The following KCNMA1 variants were observed in gnomAD, a reference collection of about 807,000 sequenced individuals.
The protein encoded by KCNMA1 is Calcium-activated potassium channel subunit alpha-1.
KCNMA1 carries 29 observed loss-of-function variants against 140.0 expected under a neutral mutation model. That is an observed-to-expected ratio of 0.21 (90% CI 0.15 to 0.28). The LOEUF (loss-of-function observed/expected upper bound fraction) is 0.28, where lower values mean the gene tolerates loss of function less well. Among genes scored for constraint, KCNMA1 ranks in the 10% least tolerant of loss-of-function variants. The probability of loss-of-function intolerance (pLI) is 1.00; values close to 1 mark genes in which losing one functional copy is unlikely to be tolerated. For synonymous variants in KCNMA1, 612 were observed against 611.9 expected, an observed-to-expected ratio of 1.00 and a Z score of 0.00; for missense variants, 880 against 1,602.2, an observed-to-expected ratio of 0.55 and a Z score of 7.70.
chr10:77,098,702 T>C (rs2097007916), intron 9 of KCNMA1, among the ~76,000 whole-genome samples: 1 of 152,186 alleles, frequency 6.6e-6, no homozygotes, highest in South Asian at 2.1e-4. Flanking sequence ...TAATTCTCAC[T>C]GTTACCTAGT....
chr10:77,334,595 ATAGGTG>A (rs2154369393), intron 2 of KCNMA1, among the ~76,000 whole-genome samples: 1 of 152,322 alleles, frequency 6.6e-6, no homozygotes, highest in South Asian at 2.1e-4. Flanking sequence ...CATTTTGAAA[ATAGGTG>A]TTTGGGGGCC....
chr10:77,267,263 G>A (rs943559651), intron 2 of KCNMA1, among the ~76,000 whole-genome samples: 2 of 152,138 alleles, frequency 1.3e-5, no homozygotes, highest in African/African-American at 2.4e-5. Flanking sequence ...TGGAGCAAGC[G>A]ATGAAGTCCC....
At chr10:76,996,771 C>T (rs564738900) in intron 19 of KCNMA1, among the ~76,000 whole-genome samples, 7 of 152,202 alleles carry the variant, frequency 4.6e-5, no homozygotes, top group African/African-American at 1.4e-4. Context: ...CTTTTTCTCA[C>T]TGGTAGTGGT....
chr10:77,471,156 TA>T (rs1419463126), intron 1 of KCNMA1, among the ~76,000 whole-genome samples: 2 of 144,026 alleles, frequency 1.4e-5, no homozygotes, highest in African/African-American at 5.2e-5. Flanking sequence ...CAACTCACAC[TA>T]CACACACACC....
intron 2 of KCNMA1, among the ~76,000 whole-genome samples, chr10:77,382,990 GTGTGTATATATA>G (rs1471437813): frequency 9.4e-5 from 4 of 42,602 alleles, no homozygotes; most frequent in African/African-American, 5.3e-4. Context: ...GTGTGTGTGT[GTGTGTATATATA>G]TATATATATA....
At chr10:77,104,011 G>A (rs899678304) in intron 9 of KCNMA1, among the ~76,000 whole-genome samples, 11 of 152,156 alleles carry the variant, frequency 7.2e-5, no homozygotes, top group African/African-American at 1.9e-4. Flanking sequence ...GCAGCAGGAC[G>A]CAGGGAAGCA....
intron 16 of KCNMA1, chr10:77,021,161 C>T (rs545348838): frequency 3.3e-5 from 5 of 152,244 alleles, no homozygotes; most frequent in Admixed American, 1.3e-4. Flanking sequence ...AAGAACTGTA[C>T]GCTACAGAAT....
At chr10:77,504,608 G>A (rs754534551) in intron 1 of KCNMA1, among the ~76,000 whole-genome samples, 3 of 151,774 alleles carry the variant, frequency 2.0e-5, no homozygotes, top group Non-Finnish European at 4.4e-5. Context: ...TATATTTTTA[G>A]AGACAGGGTC....
At chr10:77,436,517 C>T (rs1473804583) in intron 1 of KCNMA1, among the ~76,000 whole-genome samples, 2 of 152,200 alleles carry the variant, frequency 1.3e-5, no homozygotes, top group Admixed American at 6.5e-5. Context: ...ACCATTGGTT[C>T]GCCAAGCTTT....
intron 2 of KCNMA1, among the ~76,000 whole-genome samples, chr10:77,310,484 C>T (rs2154343153): frequency 6.6e-6 from 1 of 152,366 alleles, no homozygotes; most frequent in East Asian, 1.9e-4. Context: ...CCCCTTCACA[C>T]TAACCTCTTC....
At chr10:77,439,514 T>G (rs1403040079) in intron 1 of KCNMA1, among the ~76,000 whole-genome samples, 1 of 151,968 alleles carries the variant, frequency 6.6e-6, no homozygotes, top group Non-Finnish European at 1.5e-5. Context: ...ACAACACACA[T>G]CCCAACCAGC....
In KCNMA1 at chr10:77,073,171, T is replaced by C; in HGVS notation, c.1675A>G (p.Ile559Val). ...ICLAELKLGF[I>V]AQSCLAQGLS... ...CCTTGAGCCAGGCAGCTCTGGGCTA[T>C]GAAGCCCAACTTCAACTCTGCGAGG... Residue 559 changes from isoleucine to valine, a missense_variant, in exon 14 of 28, where the codon ATA becomes GTA. Ile to Val is a conservative substitution (Grantham distance 29). Transcript: ENST00000286628. 1 of 1,613,778 alleles carries C rather than the reference T, an allele frequency of 6.2e-7. No homozygotes were observed. Among genetic ancestry groups the C allele is most frequent in the Non-Finnish European group, 8.5e-7 (1 of 1,179,592 alleles).
At chr10:77,486,339 A>C (rs2098460454) in intron 1 of KCNMA1, among the ~76,000 whole-genome samples, 1 of 152,038 alleles carries the variant, frequency 6.6e-6, no homozygotes, top group Non-Finnish European at 1.5e-5. Flanking sequence ...TTGATTCCAA[A>C]TCTGGTGCTA....
At chr10:77,493,172 A>C (rs1409606506) in intron 1 of KCNMA1, among the ~76,000 whole-genome samples, 1 of 152,246 alleles carries the variant, frequency 6.6e-6, no homozygotes, top group Non-Finnish European at 1.5e-5. Flanking sequence ...AAGGCTTCCT[A>C]AATGCAGAGC....
intron 1 of KCNMA1, among the ~76,000 whole-genome samples, chr10:77,514,368 T>TGGTC (rs1193268568): frequency 6.6e-6 from 1 of 152,186 alleles, no homozygotes; most frequent in Non-Finnish European, 1.5e-5. Context: ...ATTCCCCAGG[T>TGGTC]GGTCATCTGG....
At chr10:77,522,159 C>A (rs1018736546) in intron 1 of KCNMA1, among the ~76,000 whole-genome samples, 4 of 141,256 alleles carry the variant, frequency 2.8e-5, no homozygotes, top group African/African-American at 1.0e-4. Flanking sequence ...GCCTGGGTGA[C>A]AGAGCAAGAC....
intron 2 of KCNMA1, among the ~76,000 whole-genome samples, chr10:77,309,813 C>T (rs1012688658): frequency 8.5e-5 from 13 of 152,134 alleles, no homozygotes; most frequent in African/African-American, 3.1e-4. Context: ...TTGTTGATGA[C>T]TAAGATGGCC....
chr10:77,376,933 C>G (rs1174275459), intron 2 of KCNMA1, among the ~76,000 whole-genome samples: 5 of 62,472 alleles, frequency 8.0e-5, no homozygotes, highest in African/African-American at 2.9e-4. Flanking sequence ...GCAAGATTCC[C>G]TCTCAAAATA....
chr10:76,921,670 G>A (rs1231488737), intron 23 of KCNMA1, among the ~76,000 whole-genome samples: 1 of 152,166 alleles, frequency 6.6e-6, no homozygotes, highest in African/African-American at 2.4e-5. Context: ...TTTGCAGTAT[G>A]TATTCCAACG....
Sources: gnomAD v4.1 joint callset for allele counts (sites outside exome capture counted in the v4.1 genomes callset) on GRCh38, gnomAD v4.1.1 for gene constraint, MANE v1.5 for transcripts, NCBI Gene and HGNC (gene_info 2026-07-23, HGNC 2026-07-21) for gene names.